Variants in JCAD observed in about 807,000 individuals in gnomAD.
JCAD encodes junctional cadherin 5 associated.
A neutral mutation model predicts 98.0 loss-of-function variants in JCAD; 40 were observed. The ratio of observed to expected loss-of-function variants is 0.41; its 90% CI spans 0.32 to 0.53. The LOEUF (loss-of-function observed/expected upper bound fraction) is 0.53. JCAD is among the 20% of genes least tolerant of loss of function. JCAD has a pLI of 0.31. For missense variants in JCAD, 1,705 were observed against 1,738.1 expected (o/e 0.98, Z 0.34); for synonymous variants, 691 against 682.3 (o/e 1.01, Z -0.20).
rs1372282035 is a variant in JCAD, at chr10:30,015,719, A to G, written c.*2164T>C. ...TTCAAAGAGGTATTTAGATGGTATC[A>G]ACAAAATTTCAGAGGAAATCAGAAC... On this transcript the variant is annotated 3_prime_UTR_variant, in exon 4 of 4. Coordinates refer to ENST00000375377, the MANE Select transcript of JCAD (RefSeq NM_020848.4). 6.6e-6 allele frequency: 1 copy of G among 152,256 alleles called. No individual in the cohort carries two copies. Among genetic ancestry groups the G allele is most frequent in the South Asian group, 2.1e-4 (1 of 4,824 alleles). The allele number at this position is 152,256 out of a possible 1,614,324, so 9.4% of individuals were successfully genotyped here.
Position 30,095,759 on chromosome 10 carries a change from T to G in JCAD, n.128+19608A>C, listed in dbSNP as rs139764537. Among the ~76,000 whole-genome samples the G allele has an allele frequency of 1.7e-3, 258 of 152,262 alleles. 1 individual carries two copies. The highest frequency in any genetic ancestry group is 5.9e-3 in the African/African-American group (246 of 41,554). On this transcript the variant is annotated intron_variant and non_coding_transcript_variant, in intron 1 of 2. Transcript: ENST00000465712. ...AGATGCTCAGGAGATATTGATGAGG[T>G]TAGCAGCTGAGTTCCCCAGAGGGGA...
rs1836812619 is a variant in JCAD at position 30,026,688 on chromosome 10, T to A, written c.3460A>T (p.Thr1154Ser). 2 of 1,613,402 alleles carry A rather than the reference T, an allele frequency of 1.2e-6. No individual in the cohort carries two copies. The highest frequency in any genetic ancestry group is 1.7e-5 in the Admixed American group (1 of 60,000). ...TCCCCTACAAAGAGAGGGCTCTTGG[T>A]CCAGCCGCACTTCCTCCTGCCATAA... Reference protein sequence around the residue: ...AFYGRRKCGWTKSPLFVGDRD... With the variant: ...AFYGRRKCGWSKSPLFVGDRD... Residue 1154 changes from threonine to serine, a missense_variant, in exon 3 of 4, where the codon ACC becomes TCC. Around this residue, in one of 3 missense-constraint regions of JCAD, gnomAD observed 1,278 missense variants for 1,243.1 expected, o/e 1.03. Transcript: ENST00000375377.
intron 1 of JCAD, among the ~76,000 whole-genome samples, chr10:30,056,509 AGTT>A (rs943269573): frequency 2.6e-5 from 4 of 151,860 alleles, no homozygotes; most frequent in African/African-American, 4.8e-5. Flanking sequence ...TACACAGACA[AGTT>A]GCTTGCTTTT....
In JCAD at chr10:30,013,575, A is replaced by G. The variant is rs1836470023; in HGVS notation, c.*4308T>C. On this transcript the variant is annotated 3_prime_UTR_variant, in exon 4 of 4. Coordinates refer to ENST00000375377, the MANE Select transcript of JCAD (RefSeq NM_020848.4). ...CTTGCCTTTGTCTCCTTGCTCCGTG[A>G]CAATGAATGTCTCACATCTCGGCTC... is the stretch of plus-strand genomic sequence containing the variant. The G allele has an allele frequency of 6.6e-6, 1 of 152,248 alleles. No individual in the cohort carries two copies. Among genetic ancestry groups the G allele is most frequent in the South Asian group, 2.1e-4 (1 of 4,830 alleles). 9.4% of individuals were successfully genotyped at this position (152,248 alleles called of 1,614,324 possible).
intron 1 of JCAD, among the ~76,000 whole-genome samples, chr10:30,094,774 C>T (rs1218053121): frequency 6.6e-6 from 1 of 152,160 alleles, no homozygotes; most frequent in Non-Finnish European, 1.5e-5. Flanking sequence ...CACACCTCAC[C>T]GATTTAGCCC....
intron 2 of JCAD, among the ~76,000 whole-genome samples, chr10:30,034,194 G>T (rs922324399): frequency 3.3e-5 from 5 of 151,996 alleles, no homozygotes; most frequent in African/African-American, 1.2e-4. Context: ...CTGCACTCCA[G>T]CCTGGGCGAC....
rs1052636122 is a variant in JCAD at position 30,017,830 on chromosome 10, G to A, written c.*53C>T. The A allele has an allele frequency of 1.3e-5, 20 of 1,529,056 alleles. No individual in the cohort carries two copies. Among genetic ancestry groups the A allele is most frequent in the Non-Finnish European group, 1.8e-5 (20 of 1,102,292 alleles). 94.7% of individuals were successfully genotyped at this position (1,529,056 alleles called of 1,614,324 possible). Reference sequence around the variant, plus strand: ...TGGGGCTGATAGACTAAATCTACCAGCTACTTGAGAATACTCAATTCGCAA... The same window carrying A: ...TGGGGCTGATAGACTAAATCTACCAACTACTTGAGAATACTCAATTCGCAA... On this transcript the variant is annotated 3_prime_UTR_variant, in exon 4 of 4. Transcript: ENST00000375377.
intron 1 of JCAD, among the ~76,000 whole-genome samples, chr10:30,092,980 G>T (rs989712159): frequency 2.0e-5 from 3 of 152,034 alleles, no homozygotes; most frequent in Non-Finnish European, 2.9e-5. Context: ...GTGAAAAGAC[G>T]GCAGAATGCT....
chr10:30,064,986 G>A (rs1044287316), intron 2 of JCAD, among the ~76,000 whole-genome samples: 1 of 152,138 alleles, frequency 6.6e-6, no homozygotes, highest in East Asian at 1.9e-4. Context: ...CCACATTCTC[G>A]ATAAAACCTT....
intron 2 of JCAD, among the ~76,000 whole-genome samples, chr10:30,033,698 G>A (rs7908554): frequency 2.0e-5 from 3 of 152,326 alleles, no homozygotes; most frequent in Non-Finnish European, 2.9e-5. Flanking sequence ...TGGTGGCACA[G>A]CAGAGTGAAC....
rs569161703 is a variant in JCAD, at chr10:30,038,126, G to A, written c.282-8260C>T. Among the ~76,000 whole-genome samples, 33 of 152,206 alleles carry A rather than the reference G, an allele frequency of 2.2e-4. 1 individual carries two copies. In the South Asian group the frequency reaches 5.0e-3, roughly 23 times the overall value. ...TAGACTTTTGATTTTGCAAGGTCTA[G>A]TAAAGAACTTTTATACACACAAGTT... On this transcript the variant is annotated intron_variant, in intron 2 of 3. Coordinates refer to ENST00000375377, the MANE Select transcript of JCAD (RefSeq NM_020848.4).
At chr10:30,092,685 T>C (rs983939504) in intron 1 of JCAD, among the ~76,000 whole-genome samples, 1 of 152,160 alleles carries the variant, frequency 6.6e-6, no homozygotes, top group Non-Finnish European at 1.5e-5. Flanking sequence ...TGCTTGGCAT[T>C]GGGAGCTTTA....
In JCAD at chr10:30,017,704, C is replaced by A; in HGVS notation, c.*179G>T. 1.5e-6 allele frequency: 1 copy of A among 659,092 alleles called. No individual in the cohort carries two copies. Among genetic ancestry groups the A allele is most frequent in the Non-Finnish European group, 2.7e-6 (1 of 369,666 alleles). The allele number at this position is 659,092 out of a possible 1,614,324, so 40.8% of individuals were successfully genotyped here. ...TCAACGGACGATTGCTTTATCGCCA[C>A]AAAGCAATTCTGAGAGGATGGCAAG... On this transcript the variant is annotated 3_prime_UTR_variant, in exon 4 of 4. Transcript: ENST00000375377.
chr10:30,041,844 T>C (rs1464625629), intron 2 of JCAD, among the ~76,000 whole-genome samples: 2 of 152,262 alleles, frequency 1.3e-5, no homozygotes, highest in Non-Finnish European at 2.9e-5. Flanking sequence ...CCTGAGTGCC[T>C]GATAACAGCC....
Position 30,029,844 on chromosome 10 carries a change from C to A in JCAD, c.304G>T (p.Ala102Ser), listed in dbSNP as rs536099876. The A allele has an allele frequency of 4.6e-5, 75 of 1,613,994 alleles. No individual in the cohort carries two copies. Among genetic ancestry groups the A allele is most frequent in the Non-Finnish European group, 6.1e-5 (72 of 1,179,948 alleles). The change falls in exon 3 of 4, where the codon GCA (alanine) becomes TCA (serine). Residue 102 changes from alanine to serine, a missense_variant. Coordinates refer to ENST00000375377, the MANE Select transcript of JCAD (RefSeq NM_020848.4). ...CCAGTCGGGGGATGAGAGGACCATG[C>A]TGAGGGGGGTTGATTACAAAACCTA... The part of the protein sequence containing the change: ...EAGFCNQPPS[A>S]WSSHPPTGND...
intron 3 of JCAD, among the ~76,000 whole-genome samples, chr10:30,022,952 C>CATTCA (rs1836697227): frequency 6.6e-6 from 1 of 152,176 alleles, no homozygotes; most frequent in African/African-American, 2.4e-5. Flanking sequence ...ACTTCCAGTC[C>CATTCA]TGCAAGCTCC....
At chr10:30,066,767 C>T (rs1196071476) in intron 2 of JCAD, among the ~76,000 whole-genome samples, 5 of 152,176 alleles carry the variant, frequency 3.3e-5, no homozygotes, top group East Asian at 1.9e-4. Flanking sequence ...CTCCGTGGCT[C>T]ACACCTGCCT....
intron 2 of JCAD, among the ~76,000 whole-genome samples, chr10:30,031,750 A>ATT (rs1177691710): frequency 0.095 from 6,021 of 63,296 alleles, 679 homozygotes; most frequent in African/African-American, 0.13. Context: ...CCCCATCTGT[A>ATT]TTTTTTTTTT....
At chr10:30,021,174 G>T (rs1836653740) in intron 3 of JCAD, among the ~76,000 whole-genome samples, 1 of 152,164 alleles carries the variant, frequency 6.6e-6, no homozygotes, top group South Asian at 2.1e-4. Flanking sequence ...GACTATCCAG[G>T]TCCAGTAAAA....
Sources: allele counts gnomAD v4.1 joint callset (sites outside exome capture counted in the v4.1 genomes callset), GRCh38; gene constraint gnomAD v4.1.1; regional missense constraint gnomAD v4.1.1; transcripts MANE v1.5; gene names NCBI Gene and HGNC (gene_info 2026-07-23, HGNC 2026-07-21).